The following SYNE1 variants were observed in gnomAD, a reference collection of about 807,000 sequenced individuals.
SYNE1 encodes the protein nesprin-1.
Under a neutral mutation model 1,111.0 loss-of-function variants are expected in SYNE1, and 616 were observed. The ratio of observed to expected loss-of-function variants is 0.55; its 90% confidence interval spans 0.52 to 0.59. The LOEUF (loss-of-function observed/expected upper bound fraction) is 0.59, where lower values mean the gene tolerates loss of function less well. Ranked by LOEUF, SYNE1 falls within the 20% of genes least tolerant of loss-of-function variation. The pLI, the probability that SYNE1 is intolerant of heterozygous loss-of-function variation, is 0.00. For synonymous variants in SYNE1, 3,855 were observed against 3,825.8 expected (o/e 1.01, Z -0.28); for missense variants, 10,006 against 10,417.0 (o/e 0.96, Z 1.72).
In SYNE1 at chr6:152,430,229, A is replaced by G. The variant is rs2154201119; in HGVS notation, c.4690-19T>C. ...GCTGGATCTAAAACATTGGTGCAAT[A>G]TAAAAATAACAGTGGGAAAGATACA... is the stretch of plus-strand genomic sequence containing the variant. On this transcript the variant is annotated intron_variant, in intron 35 of 145. Coordinates refer to ENST00000367255, the MANE Select transcript of SYNE1 (RefSeq NM_182961.4). 1 of 1,573,542 alleles carries G rather than the reference A, an allele frequency of 6.4e-7. No homozygotes were observed. The highest frequency in any genetic ancestry group is 1.7e-4 in the Middle Eastern group (1 of 5,974).
chr6:152,136,287 AG>A (rs1364541924), intron 141 of SYNE1, among the ~76,000 whole-genome samples: 1 of 152,240 alleles, frequency 6.6e-6, no homozygotes, highest in Non-Finnish European at 1.5e-5. Context: ...ATGTTCAAGA[AG>A]GGTCTGCCTA....
rs2099078901 is a variant in SYNE1, at chr6:152,510,372, CTGTT to C, written c.403-5_403-2del. ...GCAGGTTGCTGGTCAACTCTTCAATCTGTTTGTGAGTTAACAGCCAGCAAAAATA... is the reference window on the plus strand; with the variant it reads ...GCAGGTTGCTGGTCAACTCTTCAATCTGTGAGTTAACAGCCAGCAAAAATA... On this transcript the variant is annotated splice_acceptor_variant and splice_polypyrimidine_tract_variant and intron_variant, in intron 7 of 145. Coordinates refer to ENST00000367255, the MANE Select transcript of SYNE1 (RefSeq NM_182961.4). LOFTEE classifies it high-confidence loss of function. The C allele has an allele frequency of 1.2e-6, 2 of 1,613,672 alleles. No individual in the cohort carries two copies. The highest frequency in any genetic ancestry group is 2.2e-5 in the East Asian group (1 of 44,854).
At position 152,171,512 on chromosome 6, in the gene SYNE1, T is replaced by G. The variant is rs183778862; in HGVS notation, c.23627+4882A>C. Among the ~76,000 whole-genome samples, 100 of 152,242 alleles carry G rather than the reference T, an allele frequency of 6.6e-4. 1 individual carries two copies. Among genetic ancestry groups the G allele is most frequent in the Non-Finnish European group, 1.8e-4 (12 of 68,022 alleles). On this transcript the variant is annotated intron_variant, in intron 130 of 145. Transcript: ENST00000367255. Reference sequence around the variant, plus strand: ...CTGATCACACAAGATTTCACATAGTTCAGGGAAATGCTATGAAGGAGAAGC... The same window carrying G: ...CTGATCACACAAGATTTCACATAGTGCAGGGAAATGCTATGAAGGAGAAGC...
intron 5 of SYNE1, among the ~76,000 whole-genome samples, chr6:152,525,759 T>C (rs2099160722): frequency 6.6e-6 from 1 of 152,192 alleles, no homozygotes; most frequent in Non-Finnish European, 1.5e-5. Context: ...AAGATGGTAA[T>C]TTGCAACTAA....
Position 152,309,861 on chromosome 6 carries a change from C to T in SYNE1, c.17176G>A (p.Ala5726Thr), listed in dbSNP as rs775685010. The part of the protein sequence containing the change: ...QEEASRLQHT[A>T]IQQCNIMQEA... The stretch of plus-strand genomic sequence containing the variant: ...TGCATGATGTTACACTGCTGGATGG[C>T]GGTGTGCTGCAGCCGGCTGGCCTCT... The change falls in exon 90 of 146, where the codon GCC becomes ACC. Residue 5726 changes from alanine to threonine, a missense_variant. Physicochemically the swap from Ala to Thr is moderately conservative, Grantham distance 58. Transcript: ENST00000367255. 22 of 1,613,832 alleles carry T rather than the reference C, an allele frequency of 1.4e-5. No homozygotes were observed. The highest frequency in any genetic ancestry group is 2.2e-5 in the East Asian group (1 of 44,880).
intron 3 of SYNE1, among the ~76,000 whole-genome samples, chr6:152,616,892 CCT>C (rs1458412486): frequency 6.6e-6 from 1 of 152,078 alleles, no homozygotes; most frequent in Non-Finnish European, 1.5e-5. Context: ...AGTTTTATGC[CCT>C]GTTGTGTATT....
chr6:152,386,052 T>C (rs1211172514), intron 54 of SYNE1, among the ~76,000 whole-genome samples: 3 of 152,250 alleles, frequency 2.0e-5, no homozygotes, highest in Non-Finnish European at 4.4e-5. Context: ...GTAAGTTTAC[T>C]ATTTTCTACC....
intron 137 of SYNE1, 165 bp from the exon 138 acceptor site, chr6:152,143,930 ACATT>A (rs1471093820): frequency 1.0e-6 from 1 of 1,003,576 alleles, no homozygotes; most frequent in African/African-American, 1.6e-5. Flanking sequence ...GGTGGGTTAG[ACATT>A]AAAATGGCCA....
rs781322794 is a variant in SYNE1 at position 152,284,020 on chromosome 6, G to A, written c.18165C>T (p.Ser6055=). The part of the protein sequence containing the change: ...STLTVLAERM[S]TIRMKASGKR... ...TCCCCGAGGCTTTCATCCTGATGGT[G>A]GACATTCGCTCGGCTAAGACAGTGA... The change falls in exon 96 of 146, where the codon TCC becomes TCT. Residue 6055 remains serine, a synonymous_variant. Coordinates refer to ENST00000367255, the MANE Select transcript of SYNE1 (RefSeq NM_182961.4). 6.2e-7 allele frequency: 1 copy of A among 1,614,222 alleles called. No homozygotes were observed. Among genetic ancestry groups the A allele is most frequent in the Non-Finnish European group, 8.5e-7 (1 of 1,180,034 alleles).
intron 3 of SYNE1, among the ~76,000 whole-genome samples, chr6:152,561,261 A>G (rs1296344346): frequency 6.6e-6 from 1 of 152,218 alleles, no homozygotes; most frequent in Non-Finnish European, 1.5e-5. Flanking sequence ...GCATGTCTAT[A>G]CATAAACAAT....
At chr6:152,570,303 T>C (rs1042611980) in intron 3 of SYNE1, among the ~76,000 whole-genome samples, 1 of 152,236 alleles carries the variant, frequency 6.6e-6, no homozygotes. Flanking sequence ...TATTACGCTT[T>C]CAGAAAAATC....
intron 59 of SYNE1, among the ~76,000 whole-genome samples, chr6:152,371,626 G>A (rs2097181600): frequency 8.6e-6 from 1 of 115,902 alleles, no homozygotes; most frequent in African/African-American, 3.4e-5. Flanking sequence ...GGGGAGGAGA[G>A]GGGAGAGGAG....
intron 95 of SYNE1, among the ~76,000 whole-genome samples, chr6:152,289,800 G>C (rs1052089738): frequency 6.6e-6 from 1 of 151,972 alleles, no homozygotes; most frequent in African/African-American, 2.4e-5. Flanking sequence ...CTAAGTTTTT[G>C]TATTTTTAGT....
chr6:152,480,510 G>A (rs1256195013), intron 14 of SYNE1, among the ~76,000 whole-genome samples: 5 of 152,124 alleles, frequency 3.3e-5, no homozygotes, highest in South Asian at 2.1e-4. Flanking sequence ...GTGACAAAGC[G>A]AGCCTCCATT....
chr6:152,310,409 A>G lies in SYNE1; in HGVS notation c.17006T>C (p.Leu5669Pro), dbSNP rs985031598. The G allele has an allele frequency of 2.5e-6, 4 of 1,614,150 alleles. No individual in the cohort carries two copies. The Admixed American group carries it at 6.7e-5, about 27-fold the overall frequency. The part of the protein sequence containing the change: ...EVGRLSLKEQ[L>P]SHRQHLLSEM... ...AGTTTGGCTTACCTGCCGATGAGAG[A>G]GCTGCTCCTTGAGACTGAGACGTCC... The change falls in exon 89 of 146, where the codon CTC becomes CCC. Residue 5669 changes from leucine (L) to proline (P), a missense_variant. This residue lies in a region of SYNE1 where 4,955 missense variants were observed against 5,017.2 expected (regional missense o/e 0.99). Coordinates refer to ENST00000367255, the MANE Select transcript of SYNE1 (RefSeq NM_182961.4).
chr6:152,480,965 T>C (rs2154292086), intron 14 of SYNE1, among the ~76,000 whole-genome samples: 1 of 152,250 alleles, frequency 6.6e-6, no homozygotes, highest in Non-Finnish European at 1.5e-5. Flanking sequence ...GGTGTCTCTC[T>C]CTCACTGTCT....
chr6:152,502,178 G>C (rs1305571740), intron 10 of SYNE1, among the ~76,000 whole-genome samples: 1 of 152,096 alleles, frequency 6.6e-6, no homozygotes, highest in Non-Finnish European at 1.5e-5. Flanking sequence ...TAATGACAGT[G>C]AATAATTAGA....
intron 108 of SYNE1, among the ~76,000 whole-genome samples, chr6:152,238,223 T>TA (rs2084683358): frequency 6.6e-6 from 1 of 152,158 alleles, no homozygotes; most frequent in African/African-American, 2.4e-5. Flanking sequence ...TGTCATCAGG[T>TA]AAGTTTCATG....
chr6:152,204,294 G>C (rs892033585), intron 126 of SYNE1, among the ~76,000 whole-genome samples: 2 of 150,596 alleles, frequency 1.3e-5, no homozygotes, highest in Non-Finnish European at 2.9e-5. Context: ...GAACCCAGAA[G>C]AGTGGAGGTT....
Sources: gnomAD v4.1 joint callset for allele counts (sites outside exome capture counted in the v4.1 genomes callset) on GRCh38, gnomAD v4.1.1 for gene constraint, gnomAD v4.1.1 regional missense constraint, MANE v1.5 for transcripts, NCBI Gene and HGNC (gene_info 2026-07-23, HGNC 2026-07-21) for gene names.